Variants in APPL2 observed in about 807,000 individuals in gnomAD.
APPL2 encodes DCC-interacting protein 13-beta.
A neutral mutation model predicts 92.7 loss-of-function variants in APPL2; 84 were observed. That is an observed-to-expected ratio of 0.91 (90% CI 0.76 to 1.09). APPL2 has a LOEUF of 1.09. Among genes scored for constraint, APPL2 ranks in the 50% least tolerant of loss-of-function variants. The pLI, the probability that APPL2 is intolerant of heterozygous loss-of-function variation, is 0.00. For synonymous variants in APPL2, 291 were observed against 291.0 expected (o/e 1.00, Z 0.00); for missense variants, 736 against 824.5 (o/e 0.89, Z 1.31).
chr12:105,225,080 C>T (rs1890391753), intron 2 of APPL2, among the ~76,000 whole-genome samples: 1 of 151,824 alleles, frequency 6.6e-6, no homozygotes, highest in Non-Finnish European at 1.5e-5. Context: ...TTAAATTAAA[C>T]CTGCTTTGCT....
At chr12:105,220,502 T>C (rs766875780) in intron 2 of APPL2, among the ~76,000 whole-genome samples, 3 of 152,240 alleles carry the variant, frequency 2.0e-5, no homozygotes, top group Non-Finnish European at 4.4e-5. Context: ...CAGGAGGCTC[T>C]CTTAAGCTAC....
intron 8 of APPL2, 180 bp downstream of exon 8, chr12:105,206,881 C>T: frequency 1.4e-6 from 1 of 700,620 alleles, no homozygotes; most frequent in Non-Finnish European, 2.2e-6. Context: ...CAATGCATGT[C>T]CAGCTGAAGA....
Position 105,195,287 on chromosome 12 carries a change from T to C in APPL2, c.1215A>G (p.Gly405=), listed in dbSNP as rs553335042. The change falls in exon 14 of 21, where the codon GGA becomes GGG. Residue 405 remains glycine (G), a synonymous_variant. Coordinates refer to ENST00000258530, the MANE Select transcript of APPL2 (RefSeq NM_018171.5). ...TGGGGCATGAGCTTTCTTGTTTTTT[T>C]CCAAAACTTGTAATGGGAGTCACTG... ...LQAVTPITSF[G]KKQESSCPSQ... is the part of the protein sequence containing the mutation. The C allele has an allele frequency of 3.1e-6, 5 of 1,614,106 alleles. No individual in the cohort carries two copies. The highest frequency in any genetic ancestry group is 3.3e-5 in the Admixed American group (2 of 60,010).
chr12:105,229,331 G>C, intron 1 of APPL2, 108 bp from the exon 2 acceptor site: 2 of 1,055,020 alleles, frequency 1.9e-6, no homozygotes, highest in African/African-American at 3.2e-5. Flanking sequence ...TGCGAGGAAA[G>C]AAAGGTACCT....
intron 1 of APPL2, chr12:105,235,275 A>G (rs922333703): frequency 6.6e-6 from 1 of 152,194 alleles, no homozygotes; most frequent in Non-Finnish European, 1.5e-5. Flanking sequence ...TTTACACACC[A>G]GTTTTCATCT....
intron 1 of APPL2, chr12:105,229,638 G>T: frequency 2.0e-6 from 2 of 993,022 alleles, no homozygotes; most frequent in Non-Finnish European, 2.4e-6. Flanking sequence ...CTGGGGTGTG[G>T]TCATCTAGCA....
intron 9 of APPL2, among the ~76,000 whole-genome samples, 164 bp from the exon 10 acceptor site, chr12:105,199,695 CTA>C (rs1240927650): frequency 2.0e-5 from 3 of 152,290 alleles, no homozygotes; most frequent in East Asian, 1.9e-4. Flanking sequence ...GCCCTGAAAA[CTA>C]TGAATCACAG....
intron 4 of APPL2, among the ~76,000 whole-genome samples, chr12:105,215,096 C>G (rs1013601243): frequency 6.6e-6 from 1 of 152,168 alleles, no homozygotes; most frequent in Non-Finnish European, 1.5e-5. Context: ...TTAAGTGTTT[C>G]CCTGATTTGT....
intron 8 of APPL2, among the ~76,000 whole-genome samples, 196 bp from the exon 9 acceptor site, chr12:105,203,981 T>TG (rs1566076531): frequency 6.6e-6 from 1 of 152,204 alleles, no homozygotes; most frequent in East Asian, 1.9e-4. Context: ...TGCTGGCTTT[T>TG]GGGTGCCAAT....
intron 17 of APPL2, among the ~76,000 whole-genome samples, chr12:105,178,228 G>A (rs539226281): frequency 1.3e-5 from 2 of 152,196 alleles, no homozygotes; most frequent in South Asian, 4.2e-4. Context: ...TTGTACTCGT[G>A]TTGGAATAAT....
chr12:105,199,846 T>C (rs1315771215), intron 9 of APPL2, among the ~76,000 whole-genome samples: 5 of 151,904 alleles, frequency 3.3e-5, no homozygotes, highest in Admixed American at 1.3e-4. Context: ...TGAGATGGAA[T>C]CTCGCTCTGT....
chr12:105,189,803 T>A lies in APPL2; in HGVS notation c.1428A>T (p.Glu476Asp). ...RGSRRTNPFG[E>D]TEDESFPEAE... ...CTTCTGGAAATGATTCATCCTCAGT[T>A]TCACCAAAAGGGTTGGTACGCCTAG... Residue 476 changes from glutamate (E) to aspartate (D), a missense_variant, in exon 16 of 21, where the codon GAA becomes GAT. Glu to Asp is a conservative substitution (Grantham distance 45). Transcript: ENST00000258530. 1 of 1,614,238 alleles carries A rather than the reference T, an allele frequency of 6.2e-7. No individual in the cohort carries two copies. Among genetic ancestry groups the A allele is most frequent in the Admixed American group, 1.7e-5 (1 of 60,026 alleles).
rs140697122 is a variant in APPL2 at position 105,230,907 on chromosome 12, A to C, written c.55-1684T>G. ...TTAAAAAAGCTCTCAGTGAAAGAAA[A>C]ACAACACAGAATTTGTACAGTGTAT... On this transcript the variant is annotated intron_variant, in intron 1 of 20. Transcript: ENST00000258530. Among the ~76,000 whole-genome samples, 244 of 152,342 alleles carry C rather than the reference A, an allele frequency of 1.6e-3. 1 individual carries two copies. The highest frequency in any genetic ancestry group is 5.6e-3 in the African/African-American group (231 of 41,568).
At position 105,236,003 on chromosome 12, in the gene APPL2, C is replaced by T. The variant is rs1271706058; in HGVS notation, c.10G>A (p.Val4Met). MPA[V>M]DKLLLEEALQ... ...GCCTCCTCTAGCAGGAGCTTGTCCA[C>T]GGCGGGCATGGTGCGGCGCGGCTCA... The change falls in exon 1 of 21, where the codon GTG becomes ATG. Residue 4 changes from valine to methionine, a missense_variant. Physicochemically the swap from Val to Met is conservative, Grantham distance 21 (BLOSUM62 1). Coordinates refer to ENST00000258530, the MANE Select transcript of APPL2 (RefSeq NM_018171.5). 2.4e-6 allele frequency: 3 copies of T among 1,250,890 alleles called. No individual in the cohort carries two copies. The highest frequency in any genetic ancestry group is 4.2e-5 in the Admixed American group (1 of 24,054). 77.5% of individuals were successfully genotyped at this position (1,250,890 alleles called of 1,614,324 possible).
At chr12:105,191,785 G>C (rs1267434590) in intron 14 of APPL2, among the ~76,000 whole-genome samples, 1 of 152,126 alleles carries the variant, frequency 6.6e-6, no homozygotes, top group Non-Finnish European at 1.5e-5. Context: ...TTCGGCTGGT[G>C]CCACATTTTA....
At chr12:105,179,311 T>C (rs977725811) in intron 17 of APPL2, among the ~76,000 whole-genome samples, 2 of 152,350 alleles carry the variant, frequency 1.3e-5, no homozygotes, top group South Asian at 2.1e-4. Context: ...GCAAAGGACA[T>C]GAAGTCATTC....
chr12:105,183,863 G>A (rs1280707637), intron 17 of APPL2, among the ~76,000 whole-genome samples: 5 of 152,120 alleles, frequency 3.3e-5, no homozygotes, highest in African/African-American at 1.2e-4. Context: ...TTCTAACTTG[G>A]TTCCATTCTC....
chr12:105,204,847 AG>A (rs1456890015), intron 8 of APPL2, among the ~76,000 whole-genome samples: 1 of 152,200 alleles, frequency 6.6e-6, no homozygotes, highest in African/African-American at 2.4e-5. Context: ...AACGGAAGGC[AG>A]GTAAGACACT....
intron 3 of APPL2, among the ~76,000 whole-genome samples, chr12:105,217,367 TTTTGAC>T (rs1479951749): frequency 6.6e-6 from 1 of 152,228 alleles, no homozygotes; most frequent in Non-Finnish European, 1.5e-5. Flanking sequence ...CAAACATATT[TTTTGAC>T]TTTATTTGAG....
Sources: allele counts gnomAD v4.1 joint callset (sites outside exome capture counted in the v4.1 genomes callset), GRCh38; gene constraint gnomAD v4.1.1; transcripts MANE v1.5; gene names NCBI Gene and HGNC (gene_info 2026-07-23, HGNC 2026-07-21).